The following MAML1 variants were observed in gnomAD, a reference collection of about 807,000 sequenced individuals.
The protein encoded by MAML1 is mastermind-like protein 1.
Under a neutral mutation model 77.1 loss-of-function variants are expected in MAML1, and 14 were observed. The ratio of observed to expected loss-of-function variants is 0.18; its 90% CI spans 0.12 to 0.28. The LOEUF (loss-of-function observed/expected upper bound fraction) is 0.28. Among genes scored for constraint, MAML1 ranks in the 10% least tolerant of loss-of-function variants. The pLI, the probability that MAML1 is intolerant of heterozygous loss-of-function variation, is 1.00. For missense variants in MAML1, 1,217 were observed against 1,327.8 expected (o/e 0.92, Z 1.30); for synonymous variants, 516 against 551.9 (o/e 0.93, Z 0.91).
intron 1 of MAML1, among the ~76,000 whole-genome samples, chr5:179,747,145 A>G (rs975867683): frequency 1.4e-4 from 21 of 152,208 alleles, no homozygotes; most frequent in East Asian, 5.8e-4. Flanking sequence ...ATGTGTGCCA[A>G]TGCACCTGGC....
At chr5:179,741,496 C>G (rs1779282920) in intron 1 of MAML1, among the ~76,000 whole-genome samples, 1 of 151,928 alleles carries the variant, frequency 6.6e-6, no homozygotes, top group Admixed American at 6.6e-5. Flanking sequence ...GGCAGCCTGG[C>G]CAAAATGGTG....
chr5:179,766,608 G>A lies in MAML1; in HGVS notation c.1598G>A (p.Gly533Asp). The change falls in exon 2 of 5, where the codon GGC (glycine) becomes GAC (aspartate). Residue 533 changes from glycine to aspartate, a missense_variant. Coordinates refer to ENST00000292599, the MANE Select transcript of MAML1 (RefSeq NM_014757.5). The surrounding 1 kb of genome is among the most constrained non-coding windows in gnomAD (Gnocchi z 4.0). ...ADCGQGSPGS[G>D]QSKPALMAYL... ...TGTGGGCAAGGCAGCCCGGGGTCTG[G>A]CCAGAGCAAGCCAGCCCTGATGGCT... 10 of 1,613,332 alleles carry A rather than the reference G, an allele frequency of 6.2e-6. No individual in the cohort carries two copies. The highest frequency in any genetic ancestry group is 8.5e-6 in the Non-Finnish European group (10 of 1,179,476).
At chr5:179,736,653 A>AATCCTCCCT (rs1347336859) in intron 1 of MAML1, among the ~76,000 whole-genome samples, 5 of 152,096 alleles carry the variant, frequency 3.3e-5, no homozygotes, top group Admixed American at 2.0e-4. Flanking sequence ...AGTTGCCTTG[A>AATCCTCCCT]ATCCTCCCTA....
rs765361312 is a variant in MAML1 at position 179,766,126 on chromosome 5, C to T, written c.1116C>T (p.Asn372=). 8.9e-6 allele frequency: 14 copies of T among 1,575,592 alleles called. No homozygotes were observed. Among genetic ancestry groups the T allele is most frequent in the South Asian group, 3.5e-5 (3 of 85,090 alleles). The change falls in exon 2 of 5, where the codon AAC becomes AAT. Residue 372 remains asparagine (N), a synonymous_variant. Transcript: ENST00000292599. This position sits in a 1 kb window ranked among gnomAD's most constrained non-coding sequence, Gnocchi z 4.0. ...NLMPASAQAQ[N]AQRALAGVVL... ...TGCCGGCATCAGCCCAGGCCCAGAA[C>T]GCACAAAGAGCCCTTGCAGGTGTGG...
In MAML1 at chr5:179,765,424, G is replaced by A. The variant is rs753511638; in HGVS notation, c.414G>A (p.Lys138=). 3 of 1,614,208 alleles carry A rather than the reference G, an allele frequency of 1.9e-6. No homozygotes were observed. In the African/African-American group the frequency reaches 4.0e-5, roughly 22 times the overall value. Residue 138 remains lysine (K), a synonymous_variant, in exon 2 of 5, where the codon AAG becomes AAA. Coordinates refer to ENST00000292599, the MANE Select transcript of MAML1 (RefSeq NM_014757.5). ...NGYGDLFPGH[K]KTRREAPLGV... is the part of the protein sequence containing the mutation. ...ACGGGGACCTCTTTCCTGGGCATAA[G>A]AAGACTCGCCGGGAGGCCCCTCTGG...
intron 1 of MAML1, among the ~76,000 whole-genome samples, chr5:179,753,184 AGT>A (rs59680995): frequency 0.089 from 10,766 of 120,316 alleles, 452 homozygotes; most frequent in Admixed American, 0.17. Flanking sequence ...GCTATTTTTT[AGT>A]GTGTGTGTGT....
chr5:179,743,328 A>G (rs1430194376), intron 1 of MAML1, among the ~76,000 whole-genome samples: 2 of 148,356 alleles, frequency 1.3e-5, no homozygotes, highest in African/African-American at 5.0e-5. Context: ...CTGGGATTAC[A>G]GGCGTGAGCC....
At chr5:179,767,408 AGT>A (rs1397900604) in intron 2 of MAML1, among the ~76,000 whole-genome samples, 21 of 152,310 alleles carry the variant, frequency 1.4e-4, no homozygotes, top group Middle Eastern at 3.4e-3. Flanking sequence ...TATTGATGAG[AGT>A]GTGTAAATGA....
chr5:179,751,133 G>A (rs1779480659), intron 1 of MAML1, among the ~76,000 whole-genome samples: 2 of 152,028 alleles, frequency 1.3e-5, no homozygotes, highest in African/African-American at 2.4e-5. Flanking sequence ...ACCACGATGC[G>A]TAGCTAATTT....
chr5:179,745,859 CAAAAAAAAAAA>C (rs36036714), intron 1 of MAML1, among the ~76,000 whole-genome samples: 7 of 63,462 alleles, frequency 1.1e-4, no homozygotes, highest in East Asian at 9.6e-4. Context: ...AACTCCGTCT[CAAAAAAAAAAA>C]AAAAAAAAAA....
Position 179,775,131 on chromosome 5 carries a change from T to C in MAML1, c.*254T>C, listed in dbSNP as rs1474537696. ...TGGTGTTGGGACAGCAGGATAGGGTTCTAAAGGTGGTTTTCTATCCAAACG... is the reference window on the plus strand; with the variant it reads ...TGGTGTTGGGACAGCAGGATAGGGTCCTAAAGGTGGTTTTCTATCCAAACG... On this transcript the variant is annotated 3_prime_UTR_variant, in exon 5 of 5. Coordinates refer to ENST00000292599, the MANE Select transcript of MAML1 (RefSeq NM_014757.5). 1.6e-6 allele frequency: 2 copies of C among 1,231,202 alleles called. No individual in the cohort carries two copies. Among genetic ancestry groups the C allele is most frequent in the East Asian group, 7.0e-5 (2 of 28,648 alleles). 76.3% of individuals were successfully genotyped at this position (1,231,202 alleles called of 1,614,324 possible).
At chr5:179,770,962 T>C (rs1755974604) in intron 3 of MAML1, 185 bp from the exon 4 acceptor site, 1 of 538,536 alleles carries the variant, frequency 1.9e-6, no homozygotes, top group East Asian at 3.2e-5. Flanking sequence ...TTTAAAAAAG[T>C]CATTGCTCCC....
Position 179,774,690 on chromosome 5 carries a change from T to C in MAML1, c.2864T>C (p.Leu955Pro), listed in dbSNP as rs1355118551. 3.1e-6 allele frequency: 5 copies of C among 1,610,200 alleles called. No individual in the cohort carries two copies. The South Asian group carries it at 5.5e-5, about 18-fold the overall frequency. Residue 955 changes from leucine (L) to proline (P), a missense_variant, in exon 5 of 5, where the codon CTG (leucine) becomes CCG (proline). Coordinates refer to ENST00000292599, the MANE Select transcript of MAML1 (RefSeq NM_014757.5). ...PASQMGGRAGLHCTQAYPVRT... is the reference protein window; with the variant it reads ...PASQMGGRAGPHCTQAYPVRT... ...TCACAGATGGGCGGTCGGGCGGGGCTGCACTGCACCCAGGCCTACCCTGTG... is the reference window on the plus strand; with the variant it reads ...TCACAGATGGGCGGTCGGGCGGGGCCGCACTGCACCCAGGCCTACCCTGTG...
intron 1 of MAML1, among the ~76,000 whole-genome samples, chr5:179,752,992 T>A (rs1412196470): frequency 6.6e-6 from 1 of 152,126 alleles, no homozygotes; most frequent in Non-Finnish European, 1.5e-5. Flanking sequence ...AGGCTGGTCT[T>A]GAACTCCTGA....
intron 1 of MAML1, among the ~76,000 whole-genome samples, chr5:179,740,375 A>G (rs897759903): frequency 2.0e-5 from 3 of 151,872 alleles, no homozygotes; most frequent in East Asian, 3.9e-4. Flanking sequence ...GGTTCACGCC[A>G]TTTTCCTGCC....
chr5:179,738,440 T>G (rs887191272), intron 1 of MAML1, among the ~76,000 whole-genome samples: 2 of 152,098 alleles, frequency 1.3e-5, no homozygotes, highest in Non-Finnish European at 2.9e-5. Context: ...GGGGCATTAG[T>G]TTTTTTAAAA....
chr5:179,742,523 C>G (rs1430071999), intron 1 of MAML1, among the ~76,000 whole-genome samples: 2 of 150,700 alleles, frequency 1.3e-5, no homozygotes, highest in African/African-American at 4.9e-5. Flanking sequence ...AACATTTTTG[C>G]CACATTCAGT....
chr5:179,735,292 C>T (rs1779145160), intron 1 of MAML1, among the ~76,000 whole-genome samples: 1 of 152,218 alleles, frequency 6.6e-6, no homozygotes, highest in Non-Finnish European at 1.5e-5. Flanking sequence ...TCTCTTTCTT[C>T]TGCCTTAAAG....
At position 179,761,050 on chromosome 5, in the gene MAML1, C is replaced by T. The variant is rs534244889; in HGVS notation, c.316-4276C>T. ...TGGAGCTTGCAGTGAGCCGAGATCG[C>T]GCCACTGCACTCCAGCCTGGGTGAC... On this transcript the variant is annotated intron_variant, in intron 1 of 4. Coordinates refer to ENST00000292599, the MANE Select transcript of MAML1 (RefSeq NM_014757.5). Among the ~76,000 whole-genome samples, 26 of 151,448 alleles carry T rather than the reference C, an allele frequency of 1.7e-4. No homozygotes were observed. The South Asian group carries it at 1.9e-3, about 11-fold the overall frequency.
Sources: gnomAD v4.1 joint callset for allele counts (sites outside exome capture counted in the v4.1 genomes callset) on GRCh38, gnomAD v4.1.1 for gene constraint, Gnocchi (gnomAD v3.1) non-coding constraint, MANE v1.5 for transcripts, NCBI Gene and HGNC (gene_info 2026-07-23, HGNC 2026-07-21) for gene names.